The following UTS2 variants were observed in gnomAD, a reference collection of about 807,000 sequenced individuals.
UTS2 encodes the protein urotensin-2.
Under a neutral mutation model 12.6 loss-of-function variants are expected in UTS2, and 10 were observed. The observed-to-expected ratio is 0.80, with a 90% CI of 0.49 to 1.35. UTS2 has a LOEUF of 1.35. Ranked by LOEUF, UTS2 falls within the 40% of genes most tolerant of loss-of-function variation. UTS2 has a pLI of 0.00. For missense variants in UTS2, 142 were observed against 143.2 expected (o/e 0.99, Z 0.04); for synonymous variants, 52 against 50.0 (o/e 1.04, Z -0.17).
chr1:7,904,600 G>T, the UTS2 span, among the ~76,000 whole-genome samples: 1 of 152,058 alleles, frequency 6.6e-6, no homozygotes, highest in South Asian at 2.1e-4. Flanking sequence ...CAATATTTAT[G>T]TGTTATTAAG....
At chr1:7,908,011 C>G in the UTS2 span, among the ~76,000 whole-genome samples, 1 of 114,716 alleles carries the variant, frequency 8.7e-6, no homozygotes, top group Non-Finnish European at 1.8e-5. Context: ...ACTAAAAATA[C>G]AAAAATTAAG....
intron 2 of UTS2, 33 bp from the exon 3 acceptor site, chr1:7,849,716 T>C: frequency 6.4e-7 from 1 of 1,574,130 alleles, no homozygotes; most frequent in Non-Finnish European, 8.6e-7. Context: ...GTTCATCAGA[T>C]CTGTTGTTTC....
chr1:7,854,549 A>AACGTAATG (rs1473946946), upstream of UTS2, among the ~76,000 whole-genome samples: 1 of 141,862 alleles, frequency 7.0e-6, no homozygotes, highest in Admixed American at 7.2e-5. Context: ...AAGTGGTTAC[A>AACGTAATG]ACGTAATGAT....
chr1:7,900,602 A>G, the UTS2 span, among the ~76,000 whole-genome samples: 3 of 151,030 alleles, frequency 2.0e-5, no homozygotes, highest in Non-Finnish European at 4.4e-5. Flanking sequence ...CATGGCAAAA[A>G]CCCCATCTCT....
At chr1:7,854,659 G>A (rs903860958), upstream of UTS2, among the ~76,000 whole-genome samples, 1 of 152,056 alleles carries the variant, frequency 6.6e-6, no homozygotes, top group African/African-American at 2.4e-5. Flanking sequence ...AATTGAGACA[G>A]GAGGAATAAG....
In UTS2 at chr1:7,847,775, G is replaced by GTAT. The variant is rs760078732; in HGVS notation, c.363_365dup (p.Lys121_Tyr122insTer). ...AGATGCTTATTTCACTTCAGACACAGTATTTCCAGAAGCAATCAGGAGTCT... is the reference window on the plus strand; with the variant it reads ...AGATGCTTATTTCACTTCAGACACAGTATTATTTCCAGAAGCAATCAGGAGTCT... On this transcript the variant is annotated stop_gained, in exon 4 of 4. Coordinates refer to ENST00000361696, the MANE Select transcript of UTS2 (RefSeq NM_006786.4). LOFTEE classifies it high-confidence loss of function. 6.0e-5 allele frequency: 97 copies of GTAT among 1,611,136 alleles called. No individual in the cohort carries two copies. The African/African-American group carries it at 1.0e-3, about 17-fold the overall frequency.
At chr1:7,901,208 T>G in the UTS2 span, among the ~76,000 whole-genome samples, 1 of 152,206 alleles carries the variant, frequency 6.6e-6, no homozygotes. Context: ...GTAATGGAGC[T>G]TGGATGTGAA....
At chr1:7,891,540 G>A in the UTS2 span, among the ~76,000 whole-genome samples, 102 of 86,430 alleles carry the variant, frequency 1.2e-3, no homozygotes, top group Admixed American at 2.1e-3. Flanking sequence ...AGAAAGAAAA[G>A]AAAGAAAGAA....
the UTS2 span, among the ~76,000 whole-genome samples, chr1:7,906,449 G>GAGAAAA: frequency 4.1e-5 from 3 of 73,226 alleles, no homozygotes; most frequent in African/African-American, 1.6e-4. Flanking sequence ...GAAAGAAAAA[G>GAGAAAA]AGAAAGAAAG....
the UTS2 span, among the ~76,000 whole-genome samples, chr1:7,882,869 C>T: frequency 6.6e-6 from 1 of 152,150 alleles, no homozygotes; most frequent in African/African-American, 2.4e-5. Context: ...CTGTGAGATA[C>T]ATATCCCAAT....
chr1:7,847,901 A>G lies in UTS2; in HGVS notation c.259-19T>C. On this transcript the variant is annotated intron_variant, in intron 3 of 3. Transcript: ENST00000361696. ...CCTGAAACTAAAACAATCCAAACGAACAACAACAACAAAAAAAAACAGATA... is the reference window on the plus strand; with the variant it reads ...CCTGAAACTAAAACAATCCAAACGAGCAACAACAACAAAAAAAAACAGATA... The G allele has an allele frequency of 6.6e-7, 1 of 1,519,348 alleles. No individual in the cohort carries two copies. The highest frequency in any genetic ancestry group is 9.0e-7 in the Non-Finnish European group (1 of 1,110,020). The allele number at this position is 1,519,348 out of a possible 1,614,324, so 94.1% of individuals were successfully genotyped here.
At chr1:7,848,800 AG>A (rs1288028003) in intron 3 of UTS2, among the ~76,000 whole-genome samples, 1 of 152,140 alleles carries the variant, frequency 6.6e-6, no homozygotes, top group Non-Finnish European at 1.5e-5. Context: ...GACAAGTGTG[AG>A]CCACCGCACC....
chr1:7,858,874 C>G, the UTS2 span, among the ~76,000 whole-genome samples: 1,028 of 152,240 alleles, frequency 6.8e-3, 12 homozygotes, highest in African/African-American at 0.024. Flanking sequence ...TGAGCCACCA[C>G]GCCCAGCTGG....
chr1:7,875,110 T>C, the UTS2 span, among the ~76,000 whole-genome samples: 1 of 151,958 alleles, frequency 6.6e-6, no homozygotes, highest in Non-Finnish European at 1.5e-5. Flanking sequence ...AGTCTCACTC[T>C]GTCGCCCAGG....
At chr1:7,848,308 G>C (rs570902965) in intron 3 of UTS2, among the ~76,000 whole-genome samples, 1 of 151,826 alleles carries the variant, frequency 6.6e-6, no homozygotes, top group Non-Finnish European at 1.5e-5. Flanking sequence ...GTGTGGTGGC[G>C]GGCTCCTGTA....
the UTS2 span, among the ~76,000 whole-genome samples, chr1:7,882,949 T>C: frequency 2.0e-5 from 3 of 152,180 alleles, no homozygotes; most frequent in African/African-American, 7.2e-5. Context: ...GTAATTCTTA[T>C]ACACTGTTGG....
upstream of UTS2, among the ~76,000 whole-genome samples, chr1:7,857,144 G>GAAGGAAGGAAGGAAGGAAGGAAGGAA (rs1491070160): frequency 8.0e-5 from 12 of 149,788 alleles, no homozygotes; most frequent in South Asian, 2.1e-4. Context: ...AGGAAGGAAG[G>GAAGGAAGGAAGGAAGGAAGGAAGGAA]TGAAGCATGT....
the UTS2 span, among the ~76,000 whole-genome samples, chr1:7,890,974 C>G: frequency 2.6e-5 from 4 of 151,254 alleles, 1 homozygote; most frequent in African/African-American, 9.7e-5. Flanking sequence ...TCCACCCCCC[C>G]CCACAAAACT....
At chr1:7,911,450 G>A in the UTS2 span, among the ~76,000 whole-genome samples, 57 of 152,224 alleles carry the variant, frequency 3.7e-4, no homozygotes, top group Admixed American at 2.2e-3. Flanking sequence ...ACAGCCCCAC[G>A]TAATTTTACA....
Sources: gnomAD v4.1 joint callset for allele counts (sites outside exome capture counted in the v4.1 genomes callset) on GRCh38, gnomAD v4.1.1 for gene constraint, MANE v1.5 for transcripts, NCBI Gene and HGNC (gene_info 2026-07-23, HGNC 2026-07-21) for gene names.